CDCA7L: variants seen among roughly 807,000 people sequenced by gnomAD.
CDCA7L encodes the protein cell division cycle associated 7 like.
A neutral mutation model predicts 57.4 loss-of-function variants in CDCA7L; 44 were observed. The observed-to-expected ratio is 0.77, with a 90% CI of 0.60 to 0.98. The LOEUF is 0.98. Among genes scored for constraint, CDCA7L ranks in the 50% least tolerant of loss-of-function variants. The pLI, the probability that CDCA7L is intolerant of heterozygous loss-of-function variation, is 0.00. For missense variants in CDCA7L, 644 were observed against 580.6 expected (o/e 1.11, Z -1.12); for synonymous variants, 236 against 202.8 (o/e 1.16, Z -1.39).
At chr7:21,932,250 C>A (rs1487513220) in intron 1 of CDCA7L, among the ~76,000 whole-genome samples, 2 of 152,176 alleles carry the variant, frequency 1.3e-5, no homozygotes, top group African/African-American at 2.4e-5. Flanking sequence ...AGATTCAATG[C>A]TATCCCCATC....
rs555702513 is a variant in CDCA7L, at chr7:21,926,764, T to G, written c.25-9870A>C. Among the ~76,000 whole-genome samples, 4 of 152,300 alleles carry G rather than the reference T, an allele frequency of 2.6e-5. No homozygotes were observed. The South Asian group carries it at 8.3e-4, about 32-fold the overall frequency. On this transcript the variant is annotated intron_variant, in intron 1 of 9. Coordinates refer to ENST00000406877, the MANE Select transcript of CDCA7L (RefSeq NM_018719.5). Reference sequence around the variant, plus strand: ...GGCACATGCCTGTAGTCCCTGCTACTTGGGAGCCTGAGGCAAAAGGAGCTC... The same window carrying G: ...GGCACATGCCTGTAGTCCCTGCTACGTGGGAGCCTGAGGCAAAAGGAGCTC...
In CDCA7L at chr7:21,901,013, G is replaced by A. The variant is rs775606157; in HGVS notation, c.*1309C>T. On this transcript the variant is annotated 3_prime_UTR_variant, in exon 10 of 10. Transcript: ENST00000406877. ...CGCTGTGTTTTTGCCATAGGCGCCC[G>A]CTGGGACACCCAAGCAGGAACCATT... 2.4e-5 allele frequency: 38 copies of A among 1,591,156 alleles called. No homozygotes were observed. The highest frequency in any genetic ancestry group is 5.4e-5 in the African/African-American group (4 of 74,030).
chr7:21,904,055 A>G, intron 8 of CDCA7L, 55 bp downstream of exon 8: 2 of 1,490,072 alleles, frequency 1.3e-6, no homozygotes, highest in Non-Finnish European at 1.8e-6. Context: ...GCCCATCTTT[A>G]TAGCTTGCTT....
chr7:21,910,494 C>T (rs1785283804), intron 3 of CDCA7L, among the ~76,000 whole-genome samples: 1 of 152,210 alleles, frequency 6.6e-6, no homozygotes, highest in African/African-American at 2.4e-5. Context: ...CTTATTTATA[C>T]CTCTACACAG....
Position 21,911,629 on chromosome 7 carries a change from G to A in CDCA7L, c.291C>T (p.Asn97=), listed in dbSNP as rs201498982. The stretch of plus-strand genomic sequence containing the variant: ...TTGTAATTATTACCATTACTTCTGG[G>A]TTAGTCTTTCCATTCAGATCACTCT... ...FTQSDLNGKT[N]PEVMVVESDL... Residue 97 remains asparagine, a synonymous_variant, in exon 3 of 10, where the codon AAC becomes AAT. Coordinates refer to ENST00000406877, the MANE Select transcript of CDCA7L (RefSeq NM_018719.5). 1.7e-5 allele frequency: 27 copies of A among 1,612,352 alleles called. No individual in the cohort carries two copies. The highest frequency in any genetic ancestry group is 1.9e-5 in the Non-Finnish European group (22 of 1,179,620).
At chr7:21,945,209 T>C (rs1365042915) in intron 1 of CDCA7L, among the ~76,000 whole-genome samples, 1 of 152,172 alleles carries the variant, frequency 6.6e-6, no homozygotes, top group Non-Finnish European at 1.5e-5. Context: ...TTTGGGATCT[T>C]GCAGCTTGTT....
At chr7:21,902,429 A>ATCATC in intron 9 of CDCA7L, 77 bp from the exon 10 acceptor site, 1 of 1,384,310 alleles carries the variant, frequency 7.2e-7, no homozygotes, top group East Asian at 2.3e-5. Flanking sequence ...AGATTCCACA[A>ATCATC]TCATCTAAGA....
chr7:21,935,608 A>AG (rs1786137604), intron 1 of CDCA7L, among the ~76,000 whole-genome samples: 2 of 151,802 alleles, frequency 1.3e-5, no homozygotes, highest in African/African-American at 4.8e-5. Flanking sequence ...GAAAAAAAAA[A>AG]TCAACAAATT....
At chr7:21,936,504 A>G (rs1357365725) in intron 1 of CDCA7L, among the ~76,000 whole-genome samples, 2 of 152,236 alleles carry the variant, frequency 1.3e-5, no homozygotes, top group African/African-American at 4.8e-5. Flanking sequence ...TAGGAATGCA[A>G]AATGGTTCAA....
chr7:21,925,776 A>T (rs568465241), intron 1 of CDCA7L, among the ~76,000 whole-genome samples: 1 of 152,274 alleles, frequency 6.6e-6, no homozygotes. Flanking sequence ...AGTCCCAGCT[A>T]CTTGGGAGGC....
chr7:21,929,872 G>T (rs962454554), intron 1 of CDCA7L, among the ~76,000 whole-genome samples: 2 of 152,002 alleles, frequency 1.3e-5, no homozygotes, highest in African/African-American at 4.8e-5. Flanking sequence ...CAATAATAGT[G>T]GGAGACTTTA....
intron 2 of CDCA7L, among the ~76,000 whole-genome samples, chr7:21,913,130 T>C (rs1181794638): frequency 6.6e-6 from 1 of 152,162 alleles, no homozygotes; most frequent in Non-Finnish European, 1.5e-5. Context: ...AATTATATAC[T>C]TCTTTGAGCT....
chr7:21,934,254 T>G (rs1487619474), intron 1 of CDCA7L, among the ~76,000 whole-genome samples: 2 of 152,198 alleles, frequency 1.3e-5, no homozygotes, highest in Non-Finnish European at 2.9e-5. Flanking sequence ...CACATAAAGA[T>G]GTAATTCCTG....
In CDCA7L at chr7:21,906,677, A is replaced by C. The variant is rs777752431; in HGVS notation, c.682-38T>G. The C allele has an allele frequency of 2.5e-6, 4 of 1,604,364 alleles. No homozygotes were observed. In the Admixed American group the frequency reaches 5.0e-5, roughly 20 times the overall value. On this transcript the variant is annotated intron_variant, in intron 4 of 9. Transcript: ENST00000406877. The stretch of plus-strand genomic sequence containing the variant: ...ACAAAAGAAAGAATCTTACAAAAAT[A>C]GGGCTCCAGGTTTAGGTCATCCAAC...
intron 8 of CDCA7L, 188 bp downstream of exon 8, chr7:21,903,922 G>A (rs1785038912): frequency 4.1e-6 from 2 of 484,572 alleles, no homozygotes; most frequent in South Asian, 5.6e-5. Flanking sequence ...TCTATTCACT[G>A]GTCAGCTTGC....
intron 8 of CDCA7L, 61 bp from the exon 9 acceptor site, chr7:21,903,175 G>C: frequency 6.5e-7 from 1 of 1,538,350 alleles, no homozygotes; most frequent in African/African-American, 1.4e-5. Flanking sequence ...CAAGAACTGG[G>C]ATTCGGATCC....
At chr7:21,922,946 A>G (rs1222297854) in intron 1 of CDCA7L, among the ~76,000 whole-genome samples, 1 of 152,232 alleles carries the variant, frequency 6.6e-6, no homozygotes, top group Non-Finnish European at 1.5e-5. Flanking sequence ...GATTCTACTT[A>G]TAACAGGTAC....
In CDCA7L at chr7:21,945,843, C is replaced by G. The variant is rs781642226; in HGVS notation, c.-39G>C. 6.3e-7 allele frequency: 1 copy of G among 1,588,466 alleles called. No homozygotes were observed. The highest frequency in any genetic ancestry group is 1.4e-5 in the African/African-American group (1 of 72,124). ...GCTCCAGTCTCCTCCCAGCACGCGG[C>G]CACGGGAGCCCGGACTCACCACGGC... On this transcript the variant is annotated 5_prime_UTR_variant, in exon 1 of 10. Coordinates refer to ENST00000406877, the MANE Select transcript of CDCA7L (RefSeq NM_018719.5).
rs560390424 is a variant in CDCA7L at position 21,906,443 on chromosome 7, A to G, written c.767T>C (p.Val256Ala). ...TPTSASRKKT[V>A]RRAFSEGQIT... is the part of the protein sequence containing the mutation. Reference sequence around the variant, plus strand: ...CTGTCCCTCCGAGAAGGCCCGCCTCACTGTCTTCTTCCTCTGAAATCAAGA... The same window carrying G: ...CTGTCCCTCCGAGAAGGCCCGCCTCGCTGTCTTCTTCCTCTGAAATCAAGA... The change falls in exon 6 of 10, where the codon GTG becomes GCG. Residue 256 changes from valine to alanine, a missense_variant. Val to Ala is a moderately conservative substitution (Grantham distance 64). Coordinates refer to ENST00000406877, the MANE Select transcript of CDCA7L (RefSeq NM_018719.5). 66 of 1,610,142 alleles carry G rather than the reference A, an allele frequency of 4.1e-5. No individual in the cohort carries two copies. The South Asian group carries it at 6.7e-4, about 16-fold the overall frequency.
Sources: gnomAD v4.1 joint callset for allele counts (sites outside exome capture counted in the v4.1 genomes callset) on GRCh38, gnomAD v4.1.1 for gene constraint, MANE v1.5 for transcripts, NCBI Gene and HGNC (gene_info 2026-07-23, HGNC 2026-07-21) for gene names.